Variants in TCF12 observed in about 807,000 individuals in gnomAD.
TCF12 encodes the protein transcription factor 12, also known as DNA-binding protein HTF4.
In TCF12, 45 loss-of-function variants were observed where a neutral mutation model predicts 86.0. That is an observed-to-expected ratio of 0.52 (90% confidence interval 0.41 to 0.67). The LOEUF (loss-of-function observed/expected upper bound fraction) is 0.67, where lower values mean the gene tolerates loss of function less well. Among genes scored for constraint, TCF12 ranks in the 30% least tolerant of loss-of-function variants. TCF12 has a pLI of 0.00. For missense variants in TCF12, 881 were observed against 859.9 expected, an observed-to-expected ratio of 1.02 and a Z score of -0.31; for synonymous variants, 330 against 299.6, an observed-to-expected ratio of 1.10 and a Z score of -1.05.
At chr15:57,011,756 A>G (rs1358544283) in intron 3 of TCF12, among the ~76,000 whole-genome samples, 1 of 151,588 alleles carries the variant, frequency 6.6e-6, no homozygotes, top group Admixed American at 6.6e-5. Context: ...CCCTCAAGAA[A>G]CCCCCAGTGC....
chr15:57,222,757 C>CTTT (rs2058659004), intron 8 of TCF12, among the ~76,000 whole-genome samples: 1 of 75,442 alleles, frequency 1.3e-5, no homozygotes, highest in African/African-American at 5.0e-5. Context: ...AAAGGACTGC[C>CTTT]ATTTTTTTTT....
At chr15:57,276,720 G>A (rs1459792108) in intron 19 of TCF12, among the ~76,000 whole-genome samples, 4 of 151,792 alleles carry the variant, frequency 2.6e-5, no homozygotes, top group African/African-American at 9.7e-5. Flanking sequence ...CAGTAGTACT[G>A]GATTCCAGGA....
rs1356802171 is a variant in TCF12, at chr15:57,288,852, A to AGAG, written c.*2709_*2711dup. On this transcript the variant is annotated 3_prime_UTR_variant, in exon 21 of 21. Coordinates refer to ENST00000333725, the MANE Select transcript of TCF12 (RefSeq NM_207037.2). ...TGAAGAAGATGGAAAAAGACTCAAA[A>AGAG]GAGGCTTTTTAAGTTATTCTTCAAA... is the stretch of plus-strand genomic sequence containing the variant. The AGAG allele has an allele frequency of 3.2e-4, 48 of 152,364 alleles. No individual in the cohort carries two copies. Among genetic ancestry groups the AGAG allele is most frequent in the African/African-American group, 1.2e-3 (48 of 41,584 alleles). 9.4% of individuals were successfully genotyped at this position (152,364 alleles called of 1,614,324 possible). A position where few individuals can be genotyped will look rare whatever the true frequency, so the allele number is the denominator to read the frequency against.
intron 3 of TCF12, among the ~76,000 whole-genome samples, chr15:56,952,561 C>A (rs2061329836): frequency 6.6e-6 from 1 of 152,032 alleles, no homozygotes; most frequent in African/African-American, 2.4e-5. Context: ...TAGCCTTTCT[C>A]AGCAGTGTTT....
At chr15:57,093,371 G>A (rs1445340260) in intron 5 of TCF12, among the ~76,000 whole-genome samples, 2 of 152,110 alleles carry the variant, frequency 1.3e-5, no homozygotes, top group African/African-American at 4.8e-5. Context: ...GTAAAAGTCC[G>A]TGTTTTTGTA....
chr15:57,232,199 C>A lies in TCF12; in HGVS notation c.686-92C>A, dbSNP rs1267476781. 4.9e-6 allele frequency: 7 copies of A among 1,433,870 alleles called. No homozygotes were observed. The African/African-American group carries it at 9.9e-5, about 20-fold the overall frequency. 88.8% of individuals were successfully genotyped at this position (1,433,870 alleles called of 1,614,324 possible). ...AGGTTGGAAAAGGGAGGAAAAATAT[C>A]TGGAGGGTACCCCTTGAATTTTTAT... is the stretch of plus-strand genomic sequence containing the variant. On this transcript the variant is annotated intron_variant, in intron 9 of 20. Coordinates refer to ENST00000333725, the MANE Select transcript of TCF12 (RefSeq NM_207037.2).
At chr15:57,145,938 A>G (rs2053327828) in intron 5 of TCF12, among the ~76,000 whole-genome samples, 1 of 152,232 alleles carries the variant, frequency 6.6e-6, no homozygotes, top group Non-Finnish European at 1.5e-5. Context: ...GTTCTAGTTC[A>G]GATCATCTGG....
At chr15:57,052,884 C>T (rs1281999778) in intron 3 of TCF12, among the ~76,000 whole-genome samples, 2 of 152,098 alleles carry the variant, frequency 1.3e-5, no homozygotes, top group African/African-American at 4.8e-5. Context: ...GTTGTTTCCA[C>T]ATTTTTACTA....
Position 57,280,389 on chromosome 15 carries a change from C to G in TCF12, c.1979-2056C>G, listed in dbSNP as rs575811899. Among the ~76,000 whole-genome samples, 3 of 152,194 alleles carry G rather than the reference C, an allele frequency of 2.0e-5. No homozygotes were observed. The East Asian group carries it at 5.8e-4, about 29-fold the overall frequency. ...CATCCTCCTTATAGTTGTATAGGCT[C>G]TATGTCTTTCTAAATACAGGGGCTT... On this transcript the variant is annotated intron_variant, in intron 19 of 20. Transcript: ENST00000333725.
chr15:57,259,907 A>G (rs912599555), intron 16 of TCF12, among the ~76,000 whole-genome samples: 2 of 152,232 alleles, frequency 1.3e-5, no homozygotes, highest in Non-Finnish European at 2.9e-5. Context: ...AAAGAGAACT[A>G]TAAGAACTGT....
intron 19 of TCF12, among the ~76,000 whole-genome samples, chr15:57,275,214 G>T (rs914510215): frequency 6.6e-6 from 1 of 152,100 alleles, no homozygotes; most frequent in Admixed American, 6.5e-5. Context: ...CTGTAACTTC[G>T]TTAGGGATTG....
At chr15:57,167,381 T>C (rs1415450723) in intron 6 of TCF12, among the ~76,000 whole-genome samples, 3 of 152,142 alleles carry the variant, frequency 2.0e-5, no homozygotes, top group African/African-American at 7.2e-5. Flanking sequence ...GGCAACATAG[T>C]GAGACCTTGT....
intron 6 of TCF12, among the ~76,000 whole-genome samples, chr15:57,184,849 C>T (rs1407066264): frequency 6.6e-6 from 1 of 152,154 alleles, no homozygotes; most frequent in Non-Finnish European, 1.5e-5. Context: ...TCTCACATAA[C>T]ACCATCAGAA....
intron 20 of TCF12, among the ~76,000 whole-genome samples, chr15:57,285,335 CTA>C (rs2061887764): frequency 2.6e-5 from 4 of 152,054 alleles, no homozygotes. Context: ...ATGATTCTAT[CTA>C]AAACTATTTT....
Position 57,197,152 on chromosome 15 carries a change from CT to C in TCF12, c.527-600del, listed in dbSNP as rs138145337. Among the ~76,000 whole-genome samples, 266 of 87,252 alleles carry C rather than the reference CT, an allele frequency of 3.0e-3. 4 individuals carry two copies. Among genetic ancestry groups the C allele is most frequent in the African/African-American group, 0.01 (234 of 23,152 alleles). 57.2% of individuals were successfully genotyped at this position (87,252 alleles called of 152,430 possible). ...TATAGTACCTGGCACAGAACAGCTT[CT>C]TTTTTTTTTTTTTTTTTTTTGAGAC... On this transcript the variant is annotated intron_variant, in intron 7 of 20. Transcript: ENST00000333725.
rs1237102397 is a variant in TCF12, at chr15:57,223,565, G to A, written c.580-7587G>A. ...AATTAAAACTTTCAGATACGTTTTA[G>A]CAAGTCTCCTCTTCTAATAGAATTA... On this transcript the variant is annotated intron_variant, in intron 8 of 20. Transcript: ENST00000333725. Among the ~76,000 whole-genome samples the A allele has an allele frequency of 3.4e-5, 5 of 146,654 alleles. No homozygotes were observed. The East Asian group carries it at 1.0e-3, about 30-fold the overall frequency.
intron 8 of TCF12, among the ~76,000 whole-genome samples, chr15:57,226,939 A>C (rs553804977): frequency 6.0e-4 from 92 of 152,194 alleles, no homozygotes; most frequent in Non-Finnish European, 1.1e-3. Flanking sequence ...TGTACAGCAT[A>C]GATACGGAAC....
chr15:57,014,149 T>C (rs922572526), intron 3 of TCF12, among the ~76,000 whole-genome samples: 8 of 152,208 alleles, frequency 5.3e-5, no homozygotes, highest in African/African-American at 1.2e-4. Flanking sequence ...CTATTGATAC[T>C]ACCTTACTGC....
In TCF12 at chr15:57,152,512, AAAT is replaced by A. The variant is rs1247049779; in HGVS notation, c.326-13886_326-13884del. Among the ~76,000 whole-genome samples the A allele has an allele frequency of 8.8e-5, 13 of 147,758 alleles. No individual in the cohort carries two copies. The South Asian group carries it at 2.0e-3, about 23-fold the overall frequency. ...AATGGGGAATTTAGCTGATAGATGG[AAAT>A]AATGAGTCAAGTTGAAATGGTAGTA... On this transcript the variant is annotated intron_variant, in intron 5 of 20. Transcript: ENST00000333725.
Sources: gnomAD v4.1 joint callset for allele counts (sites outside exome capture counted in the v4.1 genomes callset) on GRCh38, gnomAD v4.1.1 for gene constraint, MANE v1.5 for transcripts, NCBI Gene and HGNC (gene_info 2026-07-23, HGNC 2026-07-21) for gene names.